Variants in TMC1 observed in about 807,000 individuals in gnomAD.
TMC1 encodes the protein transmembrane channel-like protein 1.
Under a neutral mutation model 105.8 loss-of-function variants are expected in TMC1, and 84 were observed. That is an observed-to-expected ratio of 0.79 (90% CI 0.67 to 0.95). The LOEUF is 0.95. TMC1 is among the 40% of genes least tolerant of loss of function. The probability of loss-of-function intolerance (pLI) is 0.00; values close to 1 mark genes in which losing one functional copy is unlikely to be tolerated. For synonymous variants in TMC1, 315 were observed against 311.5 expected (o/e 1.01, Z -0.12); for missense variants, 817 against 914.1 (o/e 0.89, Z 1.37).
chr9:72,758,896 A>G (rs1208557175), intron 12 of TMC1, among the ~76,000 whole-genome samples: 2 of 146,020 alleles, frequency 1.4e-5, no homozygotes, highest in African/African-American at 2.6e-5. Context: ...CTATTTATTT[A>G]TGAATATTAT....
intron 1 of TMC1, among the ~76,000 whole-genome samples, chr9:72,567,923 C>T (rs7866323): frequency 0.096 from 14,569 of 152,142 alleles, 947 homozygotes; most frequent in African/African-American, 0.17. Flanking sequence ...GGAGATCTTA[C>T]TCCTAGATGG....
At chr9:72,634,797 A>G (rs1825505663) in intron 4 of TMC1, among the ~76,000 whole-genome samples, 1 of 152,206 alleles carries the variant, frequency 6.6e-6, no homozygotes, top group African/African-American at 2.4e-5. Context: ...CAGTTTACTT[A>G]TTTGATTACC....
At chr9:72,783,004 A>T (rs1362693032) in intron 13 of TMC1, among the ~76,000 whole-genome samples, 2 of 152,274 alleles carry the variant, frequency 1.3e-5, no homozygotes, top group Non-Finnish European at 2.9e-5. Flanking sequence ...ATTAAAAAAA[A>T]TTTAAAAAGC....
At chr9:72,556,173 A>G (rs1823937514) in intron 1 of TMC1, among the ~76,000 whole-genome samples, 2 of 150,478 alleles carry the variant, frequency 1.3e-5, no homozygotes, top group South Asian at 2.1e-4. Flanking sequence ...CTGGAGTACA[A>G]TGGTGCGATC....
intron 5 of TMC1, among the ~76,000 whole-genome samples, chr9:72,663,454 G>A (rs749484896): frequency 6.6e-6 from 1 of 152,114 alleles, no homozygotes; most frequent in Non-Finnish European, 1.5e-5. Context: ...AGGAAAGAAG[G>A]GGGTTTATTT....
chr9:72,575,936 TCA>T (rs1824372587), intron 1 of TMC1, among the ~76,000 whole-genome samples: 2 of 151,750 alleles, frequency 1.3e-5, no homozygotes, highest in African/African-American at 4.8e-5. Context: ...CAAACTAGGC[TCA>T]CATGTGTTTT....
At chr9:72,758,472 A>G (rs1203636400) in intron 12 of TMC1, among the ~76,000 whole-genome samples, 1 of 152,254 alleles carries the variant, frequency 6.6e-6, no homozygotes, top group Non-Finnish European at 1.5e-5. Flanking sequence ...AGTCACTGGT[A>G]ATAAGACATT....
intron 3 of TMC1, among the ~76,000 whole-genome samples, chr9:72,622,625 T>C (rs1416663631): frequency 2.0e-5 from 3 of 152,202 alleles, no homozygotes; most frequent in Non-Finnish European, 4.4e-5. Context: ...ACTTGGACCT[T>C]GAATGATACA....
At chr9:72,726,259 A>G (rs1366390096) in intron 8 of TMC1, among the ~76,000 whole-genome samples, 1 of 152,224 alleles carries the variant, frequency 6.6e-6, no homozygotes, top group African/African-American at 2.4e-5. Context: ...ATATATATGC[A>G]TAAGTTTACC....
intron 4 of TMC1, among the ~76,000 whole-genome samples, chr9:72,640,979 T>C (rs1164548198): frequency 1.3e-5 from 2 of 152,186 alleles, no homozygotes; most frequent in African/African-American, 2.4e-5. Flanking sequence ...ATTTGCTAGA[T>C]GTGTCCATCT....
In TMC1 at chr9:72,751,965, T is replaced by C. The variant is rs774994689; in HGVS notation, c.642+9T>C. 2 of 1,534,338 alleles carry C rather than the reference T, an allele frequency of 1.3e-6. No individual in the cohort carries two copies. The highest frequency in any genetic ancestry group is 1.8e-6 in the Non-Finnish European group (2 of 1,107,666). On this transcript the variant is annotated intron_variant, in intron 11 of 23. Transcript: ENST00000297784. ...TCATCATGTTGCCAGAGGTGAGATCTGACTTCCAGTTTACAAAACATGCTG... is the reference window on the plus strand; with the variant it reads ...TCATCATGTTGCCAGAGGTGAGATCCGACTTCCAGTTTACAAAACATGCTG...
intron 1 of TMC1, among the ~76,000 whole-genome samples, chr9:72,527,071 T>C (rs2132054503): frequency 6.6e-6 from 1 of 152,286 alleles, no homozygotes; most frequent in South Asian, 2.1e-4. Flanking sequence ...CTGGGCATGT[T>C]CCCTTGTCTT....
Position 72,739,508 on chromosome 9 carries a change from A to C in TMC1, c.363-611A>C, listed in dbSNP as rs78161539. Among the ~76,000 whole-genome samples, 481 of 152,326 alleles carry C rather than the reference A, an allele frequency of 3.2e-3. 2 individuals carry two copies. Among genetic ancestry groups the C allele is most frequent in the African/African-American group, 0.011 (462 of 41,568 alleles). The stretch of plus-strand genomic sequence containing the variant: ...CTAATGCAACTGCTGTAAATGTATA[A>C]ATATTTGGGAGTAATGTTAAAGTTT... On this transcript the variant is annotated intron_variant, in intron 8 of 23. Transcript: ENST00000297784.
At chr9:72,628,477 T>C (rs981908030) in intron 4 of TMC1, 1 of 175,876 alleles carries the variant, frequency 5.7e-6, no homozygotes, top group African/African-American at 2.4e-5. Flanking sequence ...GGAGGGTTTC[T>C]GGTGTGTGTA....
At position 72,594,129 on chromosome 9, in the gene TMC1, A is replaced by G. The variant is rs150605746; in HGVS notation, c.-306+16106A>G. 5.9e-4 allele frequency among the ~76,000 whole-genome samples: 90 copies of G among 152,356 alleles called. No individual in the cohort carries two copies. The East Asian group carries it at 0.013, about 23-fold the overall frequency. Reference sequence around the variant, plus strand: ...AATTAAATCACTGTAAGACAGGTTAACAGGAGAAAAATATATGAGTTTTAT... The same window carrying G: ...AATTAAATCACTGTAAGACAGGTTAGCAGGAGAAAAATATATGAGTTTTAT... On this transcript the variant is annotated intron_variant, in intron 2 of 23. Coordinates refer to ENST00000297784, the MANE Select transcript of TMC1 (RefSeq NM_138691.3).
At chr9:72,631,049 G>T (rs1017548460) in intron 4 of TMC1, among the ~76,000 whole-genome samples, 1 of 151,880 alleles carries the variant, frequency 6.6e-6, no homozygotes, top group Non-Finnish European at 1.5e-5. Flanking sequence ...TGTATTTTTG[G>T]TAGAGACAGG....
intron 1 of TMC1, among the ~76,000 whole-genome samples, chr9:72,538,601 T>C (rs1823625743): frequency 6.6e-6 from 1 of 152,062 alleles, no homozygotes; most frequent in South Asian, 2.1e-4. Context: ...CATGCCTGGC[T>C]AATTTTTTTG....
At chr9:72,569,133 G>T (rs868481119) in intron 1 of TMC1, among the ~76,000 whole-genome samples, 11 of 152,302 alleles carry the variant, frequency 7.2e-5, no homozygotes, top group Middle Eastern at 3.4e-3. Flanking sequence ...AAATGGTACA[G>T]TATTTGCATA....
intron 17 of TMC1, among the ~76,000 whole-genome samples, chr9:72,795,000 T>C (rs1490815614): frequency 1.3e-5 from 2 of 151,992 alleles, no homozygotes; most frequent in Non-Finnish European, 2.9e-5. Context: ...GCATTAACAG[T>C]AGAATAAACC....
Sources: allele counts gnomAD v4.1 joint callset (sites outside exome capture counted in the v4.1 genomes callset), GRCh38; gene constraint gnomAD v4.1.1; transcripts MANE v1.5; gene names NCBI Gene and HGNC (gene_info 2026-07-23, HGNC 2026-07-21).